Variants in ADCK5 observed in about 807,000 individuals in gnomAD.
The protein encoded by ADCK5 is uncharacterized aarF domain-containing protein kinase 5.
In ADCK5, 43 loss-of-function variants were observed where a neutral mutation model predicts 64.9. The observed-to-expected ratio is 0.66, with a 90% CI of 0.52 to 0.85. ADCK5 has a LOEUF of 0.85. Ranked by LOEUF, ADCK5 falls within the 40% of genes least tolerant of loss-of-function variation. The probability of loss-of-function intolerance (pLI) is 0.00; values close to 1 mark genes in which losing one functional copy is unlikely to be tolerated. For synonymous variants in ADCK5, 434 were observed against 342.8 expected, an observed-to-expected ratio of 1.27 and a Z score of -2.94; for missense variants, 760 against 810.5, an observed-to-expected ratio of 0.94 and a Z score of 0.76.
At chr8:144,392,192 T>TG (rs1471722092) in intron 11 of ADCK5, 22 bp downstream of exon 11, 59 of 231,192 alleles carry the variant, frequency 2.6e-4, no homozygotes, top group Non-Finnish European at 4.3e-4. Context: ...TGGGTGGGCG[T>TG]GGGGCAGGGC....
chr8:144,392,416 C>G, intron 12 of ADCK5, 29 bp from the exon 13 acceptor site: 5 of 1,333,422 alleles, frequency 3.7e-6, no homozygotes, highest in Non-Finnish European at 4.9e-6. Flanking sequence ...CTCAGAGCCC[C>G]CTCCCTCCCT....
chr8:144,373,907 G>A (rs111335406), upstream of ADCK5: 15,971 of 587,890 alleles, frequency 0.027, 2,106 homozygotes, highest in African/African-American at 0.28. Context: ...GCCTCTGGGG[G>A]CCGCCAGGGG....
intron 2 of ADCK5, among the ~76,000 whole-genome samples, chr8:144,382,715 G>A (rs1225618467): frequency 6.6e-6 from 1 of 152,236 alleles, no homozygotes; most frequent in Non-Finnish European, 1.5e-5. Context: ...CCTGCGAGGT[G>A]GACGGTGGTT....
At position 144,392,580 on chromosome 8, in the gene ADCK5, C is replaced by T. The variant is rs782182620; in HGVS notation, c.1403C>T (p.Ala468Val). Residue 468 changes from alanine (A) to valine (V), a missense_variant, in exon 13 of 15, where the codon GCG becomes GTG. Physicochemically the swap from Ala to Val is moderately conservative, Grantham distance 64 (BLOSUM62 0). This residue lies in a region of ADCK5 where 333 missense variants were observed against 292.0 expected (regional missense o/e 1.14). Coordinates refer to ENST00000308860, the MANE Select transcript of ADCK5 (RefSeq NM_174922.5). ...CGCGAGCGCTTCGAGGCCGTCATGG[C>T]GGTGCTCAGGGAGCTGCCGCGGCCC... The part of the protein sequence containing the change: ...MARERFEAVM[A>V]VLRELPRPML... The T allele has an allele frequency of 2.0e-5, 32 of 1,576,848 alleles. No homozygotes were observed. The highest frequency in any genetic ancestry group is 1.6e-4 in the South Asian group (14 of 87,468).
chr8:144,382,744 G>C (rs183395640), intron 2 of ADCK5, among the ~76,000 whole-genome samples: 2 of 152,330 alleles, frequency 1.3e-5, no homozygotes, highest in East Asian at 3.9e-4. Flanking sequence ...CCACAGTGTA[G>C]GAGACCACGG....
At chr8:144,391,915 C>T (rs781846962) in intron 9 of ADCK5, 26 bp from the exon 10 acceptor site, 8 of 1,611,454 alleles carry the variant, frequency 5.0e-6, no homozygotes, top group Non-Finnish European at 6.8e-6. Context: ...GTGCTGTGTC[C>T]ACTGCAATGC....
intron 1 of ADCK5, among the ~76,000 whole-genome samples, chr8:144,379,144 G>T (rs1192210999): frequency 6.6e-6 from 1 of 151,966 alleles, no homozygotes; most frequent in Non-Finnish European, 1.5e-5. Flanking sequence ...TGTTGATCAG[G>T]CTGGTCTCAA....
chr8:144,388,626 G>A (rs981615466), intron 3 of ADCK5, among the ~76,000 whole-genome samples: 30 of 151,608 alleles, frequency 2.0e-4, no homozygotes, highest in African/African-American at 5.3e-4. Context: ...TTAGCCGGGC[G>A]TGGTGTTGGG....
intron 2 of ADCK5, 66 bp downstream of exon 2, chr8:144,379,556 C>A: frequency 7.5e-7 from 1 of 1,326,692 alleles, no homozygotes; most frequent in South Asian, 1.4e-5. Context: ...TGTGTGCATG[C>A]AGAGGTGGCA....
chr8:144,391,515 G>A (rs782299434), intron 7 of ADCK5, 41 bp downstream of exon 7: 34 of 1,590,424 alleles, frequency 2.1e-5, no homozygotes, highest in East Asian at 9.1e-5. Flanking sequence ...GAGCAAACAC[G>A]TAGGCAGAGC....
intron 2 of ADCK5, among the ~76,000 whole-genome samples, chr8:144,380,460 A>G (rs1819561587): frequency 6.6e-6 from 1 of 151,384 alleles, no homozygotes; most frequent in South Asian, 2.1e-4. Flanking sequence ...CTGGGTGTAG[A>G]AACAGATGTG....
upstream of ADCK5, chr8:144,373,796 G>A (rs535601480): frequency 5.0e-4 from 173 of 349,050 alleles, no homozygotes; most frequent in Admixed American, 8.1e-4. Flanking sequence ...TTCTCACAGC[G>A]GTCCTTCCGG....
In ADCK5 at chr8:144,389,444, C is replaced by T. The variant is rs1554859928; in HGVS notation, c.267-1227C>T. On this transcript the variant is annotated intron_variant, in intron 3 of 14. Transcript: ENST00000308860. ...ACCCCATCTCTCCAGAGGATGCCAC[C>T]GTCCATACTGTCCCCTACCCCATCT... The T allele has an allele frequency of 9.1e-6, 4 of 440,892 alleles. 1 individual carries two copies. Among genetic ancestry groups the T allele is most frequent in the Middle Eastern group, 5.1e-4 (1 of 1,960 alleles). The allele number at this position is 440,892 out of a possible 1,614,324, so 27.3% of individuals were successfully genotyped here.
chr8:144,391,482 C>T lies in ADCK5; in HGVS notation c.798+8C>T. 6.2e-7 allele frequency: 1 copy of T among 1,606,880 alleles called. No individual in the cohort carries two copies. The highest frequency in any genetic ancestry group is 1.3e-5 in the African/African-American group (1 of 74,996). On this transcript the variant is annotated splice_region_variant and intron_variant, in intron 7 of 14. Coordinates refer to ENST00000308860, the MANE Select transcript of ADCK5 (RefSeq NM_174922.5). ...TTCAGCTGGGTCCTCCAGGTACAGC[C>T]CCACCCCTTCCCCGGCCAGCAGGAG...
In ADCK5 at chr8:144,391,883, G is replaced by T; in HGVS notation, c.1014+17G>T. The T allele has an allele frequency of 6.2e-7, 1 of 1,602,430 alleles. No individual in the cohort carries two copies. On this transcript the variant is annotated intron_variant, in intron 9 of 14. Coordinates refer to ENST00000308860, the MANE Select transcript of ADCK5 (RefSeq NM_174922.5). ...GTGCATGACGTGAGTGCGGGGGGGC[G>T]GGGGCGGGTCAGGGCGGGCTGGTGC...
At chr8:144,382,599 A>G (rs1460668762) in intron 2 of ADCK5, among the ~76,000 whole-genome samples, 2 of 152,220 alleles carry the variant, frequency 1.3e-5, no homozygotes, top group Non-Finnish European at 1.5e-5. Flanking sequence ...ACTATATTCA[A>G]TATGGGGCAA....
At chr8:144,392,044 G>A in intron 10 of ADCK5, 22 bp downstream of exon 10, 1 of 1,612,558 alleles carries the variant, frequency 6.2e-7, no homozygotes. Context: ...CCCCAGGGGT[G>A]GGGGTCTCAG....
chr8:144,388,859 G>A (rs1285538001), intron 3 of ADCK5, among the ~76,000 whole-genome samples: 2 of 152,194 alleles, frequency 1.3e-5, no homozygotes, highest in African/African-American at 2.4e-5. Context: ...TGGCCGGGGG[G>A]TCGCCCTGGG....
rs1564675987 is a variant in ADCK5 at position 144,391,051 on chromosome 8, C to T, written c.538C>T (p.Gln180Ter). 1 of 1,612,258 alleles carries T rather than the reference C, an allele frequency of 6.2e-7. No individual in the cohort carries two copies. ...GGACAGGGCCCTCAAGCGGGGCTTC[C>T]AGGAGGTGAGTGTGCGCTCAGGCCG... Reference protein sequence around the residue: ...LEDRALKRGFQEVDELFLEDF... With the variant: ...LEDRALKRGF Residue 180 changes from glutamine to a stop codon, truncating the protein, a stop_gained, in exon 5 of 15, where the codon CAG (glutamine) becomes TAG (stop). Coordinates refer to ENST00000308860, the MANE Select transcript of ADCK5 (RefSeq NM_174922.5). LOFTEE classifies it high-confidence loss of function.
Sources: gnomAD v4.1 joint callset for allele counts (sites outside exome capture counted in the v4.1 genomes callset) on GRCh38, gnomAD v4.1.1 for gene constraint, gnomAD v4.1.1 regional missense constraint, MANE v1.5 for transcripts, NCBI Gene and HGNC (gene_info 2026-07-23, HGNC 2026-07-21) for gene names.